IL21R: variants seen among roughly 807,000 people sequenced by gnomAD.
The protein encoded by IL21R is interleukin-21 receptor.
IL21R carries 14 observed loss-of-function variants against 41.3 expected under a neutral mutation model. That is an observed-to-expected ratio of 0.34 (90% CI 0.22 to 0.53). The LOEUF is 0.53. Among genes scored for constraint, IL21R ranks in the 20% least tolerant of loss-of-function variants. IL21R has a pLI of 0.94. For synonymous variants in IL21R, 286 were observed against 287.6 expected (o/e 0.99, Z 0.05); for missense variants, 588 against 681.6 (o/e 0.86, Z 1.53).
intron 1 of IL21R, among the ~76,000 whole-genome samples, chr16:27,424,136 G>C (rs1398202026): frequency 6.6e-6 from 1 of 151,990 alleles, no homozygotes; most frequent in African/African-American, 2.4e-5. Flanking sequence ...GTGCAGTGGT[G>C]CAATCTCGGC....
chr16:27,423,153 T>C (rs2087022854), intron 1 of IL21R, among the ~76,000 whole-genome samples: 1 of 152,208 alleles, frequency 6.6e-6, no homozygotes, highest in African/African-American at 2.4e-5. Flanking sequence ...TGCACATGAT[T>C]TGAGGGGAAA....
At chr16:27,411,127 G>A (rs1426752017) in intron 1 of IL21R, among the ~76,000 whole-genome samples, 1 of 152,124 alleles carries the variant, frequency 6.6e-6, no homozygotes, top group South Asian at 2.1e-4. Flanking sequence ...AGAAACAGGT[G>A]TGCAAATATC....
intron 1 of IL21R, among the ~76,000 whole-genome samples, chr16:27,405,939 G>A (rs915597417): frequency 2.0e-5 from 3 of 152,212 alleles, no homozygotes; most frequent in South Asian, 2.1e-4. Flanking sequence ...TGGCCACCCC[G>A]ACCCCTGCCC....
chr16:27,432,558 C>T (rs553955423), intron 2 of IL21R, among the ~76,000 whole-genome samples: 1 of 152,284 alleles, frequency 6.6e-6, no homozygotes, highest in Non-Finnish European at 1.5e-5. Flanking sequence ...AGCTTTGAGC[C>T]TGGCTAGGAA....
At chr16:27,442,724 CCT>C in intron 4 of IL21R, 1 of 359,768 alleles carries the variant, frequency 2.8e-6, no homozygotes, top group South Asian at 6.6e-5. Context: ...CCTGCCCGCC[CCT>C]GAGTTTGCAA....
At chr16:27,445,021 G>A (rs2087453809) in intron 6 of IL21R, among the ~76,000 whole-genome samples, 156 bp from the exon 7 acceptor site, 1 of 152,166 alleles carries the variant, frequency 6.6e-6, no homozygotes, top group Admixed American at 6.5e-5. Context: ...ATGAGAACAA[G>A]ATTTGAACCC....
intron 1 of IL21R, among the ~76,000 whole-genome samples, chr16:27,429,193 C>T (rs1030767756): frequency 2.0e-5 from 3 of 152,168 alleles, no homozygotes; most frequent in African/African-American, 7.2e-5. Context: ...CACTGCACTC[C>T]AGCCTGGGCG....
intron 1 of IL21R, among the ~76,000 whole-genome samples, chr16:27,416,512 T>C (rs140142723): frequency 2.6e-4 from 39 of 152,338 alleles, no homozygotes; most frequent in African/African-American, 8.9e-4. Context: ...TCTGGAATTA[T>C]TTTTCTTTTA....
intron 4 of IL21R, among the ~76,000 whole-genome samples, chr16:27,438,102 A>C (rs1272318094): frequency 6.6e-6 from 1 of 152,098 alleles, no homozygotes; most frequent in Non-Finnish European, 1.5e-5. Context: ...AGAGGTATTG[A>C]AGGAGCTAGG....
At chr16:27,427,349 G>A (rs547872693) in intron 1 of IL21R, 1 of 984,496 alleles carries the variant, frequency 1.0e-6, no homozygotes, top group African/African-American at 1.7e-5. Context: ...AGGGCTCTGT[G>A]ATGTAGGCAG....
chr16:27,437,516 G>C lies in IL21R; in HGVS notation c.181G>C (p.Glu61Gln). The C allele has an allele frequency of 2.5e-6, 4 of 1,614,040 alleles. No individual in the cohort carries two copies. Among genetic ancestry groups the C allele is most frequent in the Non-Finnish European group, 3.4e-6 (4 of 1,180,030 alleles). The change falls in exon 4 of 9, where the codon GAG becomes CAG. Residue 61 changes from glutamate to glutamine, a missense_variant. Transcript: ENST00000337929. ...AGACCAGTATGAAGAGCTGAAGGAC[G>C]AGGCCACCTCCTGCAGCCTCCACAG... ...WQDQYEELKD[E>Q]ATSCSLHRSA...
Position 27,448,892 on chromosome 16 carries a change from A to T in IL21R, c.1226A>T (p.Glu409Val), listed in dbSNP as rs771043125. Residue 409 changes from glutamate to valine, a missense_variant, in exon 9 of 9, where the codon GAG (glutamate) becomes GTG (valine). By Grantham distance (121) the Glu-to-Val change is moderately radical (BLOSUM62 -2). Coordinates refer to ENST00000337929, the MANE Select transcript of IL21R (RefSeq NM_181078.3). ...GCCCTGGACCTGGATGCTGGCCTGG[A>T]GCCCAGCCCAGGCCTAGAGGACCCA... The part of the protein sequence containing the change: ...YPALDLDAGL[E>V]PSPGLEDPLL... 6.2e-7 allele frequency: 1 copy of T among 1,612,068 alleles called. No homozygotes were observed. Among genetic ancestry groups the T allele is most frequent in the Admixed American group, 1.7e-5 (1 of 59,924 alleles).
At position 27,413,329 on chromosome 16, in the gene IL21R, G is replaced by A. The variant is rs565066211; in HGVS notation, c.-17+10711G>A. ...AAATCCTACTTGGTCATGGTGTATA[G>A]CCTTTTAATGTGTTGTTAAATTTGG... is the stretch of plus-strand genomic sequence containing the variant. On this transcript the variant is annotated intron_variant, in intron 1 of 8. Coordinates refer to ENST00000337929, the MANE Select transcript of IL21R (RefSeq NM_181078.3). Among the ~76,000 whole-genome samples the A allele has an allele frequency of 2.0e-5, 3 of 151,990 alleles. No individual in the cohort carries two copies. In the East Asian group the frequency reaches 5.8e-4, roughly 29 times the overall value.
chr16:27,442,402 C>T (rs1206207709), intron 4 of IL21R, among the ~76,000 whole-genome samples: 1 of 152,100 alleles, frequency 6.6e-6, no homozygotes, highest in Non-Finnish European at 1.5e-5. Flanking sequence ...CTCGCTCTGT[C>T]GCCCGGGCTG....
intron 1 of IL21R, among the ~76,000 whole-genome samples, chr16:27,423,074 A>G (rs1300548495): frequency 6.6e-6 from 1 of 151,930 alleles, no homozygotes; most frequent in African/African-American, 2.4e-5. Context: ...ATTCCTTCTT[A>G]GTTTTCCCAC....
chr16:27,443,186 G>A, intron 5 of IL21R, 70 bp downstream of exon 5: 1 of 1,387,692 alleles, frequency 7.2e-7, no homozygotes, highest in African/African-American at 1.4e-5. Flanking sequence ...AAGGCATCTG[G>A]GTGGGAGAGA....
chr16:27,442,961 G>A lies in IL21R; in HGVS notation c.353-1G>A. On this transcript the variant is annotated splice_acceptor_variant, in intron 4 of 8. Coordinates refer to ENST00000337929, the MANE Select transcript of IL21R (RefSeq NM_181078.3). LOFTEE classifies it high-confidence loss of function. ...TTCTTTTCCTGGGTTTTTCCACCAAGTCAAGCCGGCTCCCCCTTTCAACGT... is the reference window on the plus strand; with the variant it reads ...TTCTTTTCCTGGGTTTTTCCACCAAATCAAGCCGGCTCCCCCTTTCAACGT... 6.3e-7 allele frequency: 1 copy of A among 1,574,862 alleles called. No individual in the cohort carries two copies. The highest frequency in any genetic ancestry group is 8.6e-7 in the Non-Finnish European group (1 of 1,159,824).
rs771721185 is a variant in IL21R at position 27,434,435 on chromosome 16, G to A, written c.138G>A (p.Thr46=). Residue 46 remains threonine (T), a synonymous_variant, in exon 3 of 9, where the codon ACG becomes ACA. Transcript: ENST00000337929. Reference sequence around the variant, plus strand: ...AAATGTGGAACCTCCACCCCAGCACGCTCACCCTTACCTGGTAAGTAGCCG... The same window carrying A: ...AAATGTGGAACCTCCACCCCAGCACACTCACCCTTACCTGGTAAGTAGCCG... The part of the protein sequence containing the change: ...ILEMWNLHPS[T]LTLTWQDQYE... 1.2e-5 allele frequency: 19 copies of A among 1,611,248 alleles called. No homozygotes were observed. The highest frequency in any genetic ancestry group is 4.4e-5 in the South Asian group (4 of 91,022).
intron 6 of IL21R, 105 bp from the exon 7 acceptor site, chr16:27,445,072 C>A: frequency 2.6e-6 from 2 of 773,952 alleles, no homozygotes; most frequent in Non-Finnish European, 4.5e-6. Context: ...AACAGCCTCT[C>A]CTACCCTCTT....
Sources: allele counts gnomAD v4.1 joint callset (sites outside exome capture counted in the v4.1 genomes callset), GRCh38; gene constraint gnomAD v4.1.1; transcripts MANE v1.5; gene names NCBI Gene and HGNC (gene_info 2026-07-23, HGNC 2026-07-21).